AKAIN1: variants seen among roughly 807,000 people sequenced by gnomAD.
AKAIN1 encodes the protein A-kinase anchor inhibitor 1, also known as A-kinase anchor protein inhibitor 1.
Under a neutral mutation model 3.7 loss-of-function variants are expected in AKAIN1, and 3 were observed. The ratio of observed to expected loss-of-function variants is 0.82; its 90% CI spans 0.37 to 2.12. The LOEUF (loss-of-function observed/expected upper bound fraction) is 2.12. Ranked by LOEUF, AKAIN1 falls within the 30% of genes most tolerant of loss-of-function variation. AKAIN1 has a pLI of 0.06. For missense variants in AKAIN1, 82 were observed against 82.7 expected (o/e 0.99, Z 0.03); for synonymous variants, 31 against 30.8 (o/e 1.01, Z -0.02).
intron 1 of AKAIN1, among the ~76,000 whole-genome samples, chr18:5,180,878 AG>A (rs1265812163): frequency 6.6e-5 from 10 of 152,274 alleles, no homozygotes; most frequent in African/African-American, 2.2e-4. Context: ...GATTCCATAG[AG>A]CCCTCCTGTC....
chr18:5,180,745 C>T (rs2071253222), intron 1 of AKAIN1, among the ~76,000 whole-genome samples: 1 of 151,960 alleles, frequency 6.6e-6, no homozygotes. Flanking sequence ...ACATAATTTC[C>T]TTTTTTATTC....
chr18:5,183,306 T>A (rs2071269602), intron 1 of AKAIN1, among the ~76,000 whole-genome samples: 1 of 152,036 alleles, frequency 6.6e-6, no homozygotes, highest in South Asian at 2.1e-4. Context: ...AAAGATATAT[T>A]CATACAGACA....
In AKAIN1 at chr18:5,166,318, G is replaced by A. The variant is rs116364834; in HGVS notation, c.17-20563C>T. ...ACAAAATGTTTGGGTTTTTATTTTC[G>A]GAATTAATAAATTTGACTCTTCAGG... On this transcript the variant is annotated intron_variant, in intron 1 of 1. Transcript: ENST00000434239. Among the ~76,000 whole-genome samples, 928 of 151,780 alleles carry A rather than the reference G, an allele frequency of 6.1e-3. 11 individuals are homozygous for A. Among genetic ancestry groups the A allele is most frequent in the African/African-American group, 0.021 (875 of 41,406 alleles).
chr18:5,185,073 T>C (rs1272159898), intron 1 of AKAIN1, among the ~76,000 whole-genome samples: 2 of 151,822 alleles, frequency 1.3e-5, no homozygotes. Context: ...TTCAACAAAG[T>C]TGACAAGAAC....
chr18:5,175,280 G>A (rs1017386739), intron 1 of AKAIN1, among the ~76,000 whole-genome samples: 1 of 152,120 alleles, frequency 6.6e-6, no homozygotes, highest in East Asian at 1.9e-4. Flanking sequence ...AGTTCAGTGA[G>A]ACTTAAAGCC....
chr18:5,184,423 G>A (rs1339823979), intron 1 of AKAIN1, among the ~76,000 whole-genome samples: 1 of 152,018 alleles, frequency 6.6e-6, no homozygotes, highest in Non-Finnish European at 1.5e-5. Context: ...CAGACAATAT[G>A]ATTCTATCCC....
At chr18:5,147,514 C>G (rs60361331) in intron 1 of AKAIN1, among the ~76,000 whole-genome samples, 4 of 152,056 alleles carry the variant, frequency 2.6e-5, no homozygotes, top group Non-Finnish European at 5.9e-5. Flanking sequence ...TTCCTCTACA[C>G]GAATATGCTC....
At chr18:5,149,369 C>T (rs1019147104) in intron 1 of AKAIN1, among the ~76,000 whole-genome samples, 3 of 152,272 alleles carry the variant, frequency 2.0e-5, no homozygotes, top group South Asian at 4.1e-4. Flanking sequence ...TATTCTCTTC[C>T]GTTACCTTAA....
At chr18:5,193,210 G>A (rs1381058444) in intron 1 of AKAIN1, among the ~76,000 whole-genome samples, 1 of 152,158 alleles carries the variant, frequency 6.6e-6, no homozygotes. Flanking sequence ...TAGATGTCAA[G>A]AGACTGGCTG....
chr18:5,152,793 G>A (rs957435410), intron 1 of AKAIN1, among the ~76,000 whole-genome samples: 2 of 152,176 alleles, frequency 1.3e-5, no homozygotes, highest in African/African-American at 2.4e-5. Context: ...CAAAAGCAGG[G>A]CCAGAGAGGA....
At chr18:5,171,860 A>G (rs759782206) in intron 1 of AKAIN1, among the ~76,000 whole-genome samples, 1 of 152,174 alleles carries the variant, frequency 6.6e-6, no homozygotes, top group Non-Finnish European at 1.5e-5. Context: ...AAAGAAAGAA[A>G]ATCAGTATGT....
intron 1 of AKAIN1, among the ~76,000 whole-genome samples, chr18:5,176,425 G>C (rs1478620082): frequency 6.6e-6 from 1 of 151,388 alleles, no homozygotes; most frequent in Non-Finnish European, 1.5e-5. Flanking sequence ...GGGTGACAGA[G>C]TGGGACCCTG....
intron 1 of AKAIN1, chr18:5,159,484 T>A (rs938382306): frequency 1.3e-5 from 2 of 152,158 alleles, no homozygotes; most frequent in Non-Finnish European, 2.9e-5. Flanking sequence ...AAAATTAAAT[T>A]ACATGTTATC....
Position 5,167,311 on chromosome 18 carries a change from A to G in AKAIN1, c.17-21556T>C, listed in dbSNP as rs146139913. Among the ~76,000 whole-genome samples, 204 of 152,212 alleles carry G rather than the reference A, an allele frequency of 1.3e-3. 1 individual carries two copies. Among genetic ancestry groups the G allele is most frequent in the African/African-American group, 4.6e-3 (193 of 41,560 alleles). Reference sequence around the variant, plus strand: ...CCTACACATTCACATCCCAACCAGCAGGCTTCCTTTCATATCTCTTCCGTC... The same window carrying G: ...CCTACACATTCACATCCCAACCAGCGGGCTTCCTTTCATATCTCTTCCGTC... On this transcript the variant is annotated intron_variant, in intron 1 of 1. Coordinates refer to ENST00000434239, the MANE Select transcript of AKAIN1 (RefSeq NM_001145194.2).
chr18:5,148,572 G>A (rs2071062317), intron 1 of AKAIN1, among the ~76,000 whole-genome samples: 1 of 152,174 alleles, frequency 6.6e-6, no homozygotes, highest in Non-Finnish European at 1.5e-5. Flanking sequence ...AATTCAAGGA[G>A]GGGCCAGGTG....
rs190786042 is a variant in AKAIN1, at chr18:5,183,019, T to C, written c.16+14019A>G. The stretch of plus-strand genomic sequence containing the variant: ...CCCTAACTCTATTTTGCAAATTGTT[T>C]GTTGCCTCCTAGTTAATAACTGTGC... On this transcript the variant is annotated intron_variant, in intron 1 of 1. Transcript: ENST00000434239. 1.4e-4 allele frequency among the ~76,000 whole-genome samples: 21 copies of C among 152,238 alleles called. No homozygotes were observed. The East Asian group carries it at 4.1e-3, about 29-fold the overall frequency.
intron 1 of AKAIN1, among the ~76,000 whole-genome samples, chr18:5,175,540 C>A (rs1159362193): frequency 1.3e-5 from 2 of 152,128 alleles, no homozygotes; most frequent in African/African-American, 4.8e-5. Context: ...TGCTTAGTTC[C>A]TTTTCCTTTC....
In AKAIN1 at chr18:5,143,196, G is replaced by A. The variant is rs2071030638; in HGVS notation, c.*2366C>T. On this transcript the variant is annotated 3_prime_UTR_variant, in exon 2 of 2. Coordinates refer to ENST00000434239, the MANE Select transcript of AKAIN1 (RefSeq NM_001145194.2). The stretch of plus-strand genomic sequence containing the variant: ...TCAAATGAAGTTCTGTAGGCCCCTT[G>A]TAAAATCTAGTAACTTTTTCTTCAT... 6.6e-6 allele frequency among the ~76,000 whole-genome samples: 1 copy of A among 152,186 alleles called. No homozygotes were observed. The highest frequency in any genetic ancestry group is 2.4e-5 in the African/African-American group (1 of 41,446).
intron 1 of AKAIN1, among the ~76,000 whole-genome samples, chr18:5,154,897 C>T (rs7242635): frequency 0.012 from 1,783 of 152,304 alleles, 45 homozygotes; most frequent in African/African-American, 0.039. Flanking sequence ...GCGATTCTCC[C>T]GCCTCAGCCT....
Sources: allele counts gnomAD v4.1 joint callset (sites outside exome capture counted in the v4.1 genomes callset), GRCh38; gene constraint gnomAD v4.1.1; transcripts MANE v1.5; gene names NCBI Gene and HGNC (gene_info 2026-07-23, HGNC 2026-07-21).